GRIP1: variants seen among roughly 807,000 people sequenced by gnomAD.
The protein encoded by GRIP1 is glutamate receptor interacting protein 1, also known as glutamate receptor-interacting protein 1.
A neutral mutation model predicts 129.9 loss-of-function variants in GRIP1; 45 were observed. That is an observed-to-expected ratio of 0.35 (90% CI 0.27 to 0.44). The LOEUF is 0.44. GRIP1 is among the 20% of genes least tolerant of loss of function. GRIP1 has a pLI of 1.00. For missense variants in GRIP1, 1,196 were observed against 1,396.8 expected, an observed-to-expected ratio of 0.86 and a Z score of 2.29; for synonymous variants, 530 against 520.8, an observed-to-expected ratio of 1.02 and a Z score of -0.24.
At chr12:66,820,361 G>A (rs1376753147) in intron 1 of GRIP1, among the ~76,000 whole-genome samples, 1 of 152,178 alleles carries the variant, frequency 6.6e-6, no homozygotes, top group Non-Finnish European at 1.5e-5. Context: ...ACCAAATGCT[G>A]GTGAGGATGT....
chr12:66,963,749 A>G (rs2041956497), intron 1 of GRIP1, among the ~76,000 whole-genome samples: 1 of 152,040 alleles, frequency 6.6e-6, no homozygotes, highest in African/African-American at 2.4e-5. Flanking sequence ...CTTTAGGTTC[A>G]CGTCTAAGTT....
At chr12:66,800,626 G>A (rs368994666) in intron 1 of GRIP1, among the ~76,000 whole-genome samples, 96 of 152,166 alleles carry the variant, frequency 6.3e-4, no homozygotes, top group African/African-American at 2.1e-3. Flanking sequence ...TATGACACAT[G>A]AATTAACATA....
At chr12:66,784,434 C>G (rs1189542752) in intron 1 of GRIP1, among the ~76,000 whole-genome samples, 1 of 152,114 alleles carries the variant, frequency 6.6e-6, no homozygotes, top group Non-Finnish European at 1.5e-5. Context: ...ATTATATTCT[C>G]TTTTAGAGAT....
chr12:66,523,156 T>C (rs1454197712), intron 5 of GRIP1, among the ~76,000 whole-genome samples: 2 of 150,946 alleles, frequency 1.3e-5, no homozygotes, highest in African/African-American at 4.9e-5. Flanking sequence ...AGGCCAACAT[T>C]CAGATTCAGG....
intron 1 of GRIP1, among the ~76,000 whole-genome samples, chr12:66,857,859 G>A (rs1221155209): frequency 6.6e-6 from 1 of 151,980 alleles, no homozygotes; most frequent in East Asian, 1.9e-4. Flanking sequence ...GAGTCTTGAA[G>A]GATAAGTACA....
chr12:66,480,549 TA>T (rs552268438), intron 7 of GRIP1, among the ~76,000 whole-genome samples: 7 of 151,994 alleles, frequency 4.6e-5, no homozygotes, highest in South Asian at 4.2e-4. Flanking sequence ...TTCACAGAAT[TA>T]AAAAAAACTA....
At position 66,997,342 on chromosome 12, in the gene GRIP1, GTTGAGGTGAGAGGATCGC is replaced by G. The variant is rs1158835141; in HGVS notation, c.58+71690_58+71707del. Among the ~76,000 whole-genome samples, 3 of 152,044 alleles carry G rather than the reference GTTGAGGTGAGAGGATCGC, an allele frequency of 2.0e-5. No individual in the cohort carries two copies. In the East Asian group the frequency reaches 5.8e-4, roughly 29 times the overall value. ...GTCTGTAATTCTGGCTACTTGGAAG[GTTGAGGTGAGAGGATCGC>G]TTGAGCCCAGGAGTTCAAGGCCAGC... On this transcript the variant is annotated intron_variant, in intron 1 of 1. Coordinates refer to the GRIP1 transcript ENST00000643019.
At chr12:66,936,170 A>G (rs2041480712) in intron 1 of GRIP1, among the ~76,000 whole-genome samples, 1 of 152,200 alleles carries the variant, frequency 6.6e-6, no homozygotes, top group African/African-American at 2.4e-5. Context: ...TTGTAATCTC[A>G]GAACTTTGGG....
intron 2 of GRIP1, among the ~76,000 whole-genome samples, chr12:66,595,305 A>G (rs12311664): frequency 0.011 from 1,720 of 152,336 alleles, 29 homozygotes; most frequent in African/African-American, 0.039. Flanking sequence ...TGTATTTAAC[A>G]TGTAACTTAA....
intron 2 of GRIP1, among the ~76,000 whole-genome samples, chr12:66,581,501 C>T (rs527999295): frequency 1.4e-5 from 2 of 143,400 alleles, no homozygotes; most frequent in African/African-American, 5.1e-5. Flanking sequence ...AATTGATAGA[C>T]CACTAGCAAG....
At chr12:66,952,971 A>G (rs1337866541) in intron 1 of GRIP1, among the ~76,000 whole-genome samples, 1 of 152,232 alleles carries the variant, frequency 6.6e-6, no homozygotes, top group Non-Finnish European at 1.5e-5. Context: ...TAGCTTGACT[A>G]TGCCACACAT....
At chr12:66,540,345 C>A (rs547942221) in intron 3 of GRIP1, among the ~76,000 whole-genome samples, 1 of 152,278 alleles carries the variant, frequency 6.6e-6, no homozygotes, top group South Asian at 2.1e-4. Flanking sequence ...ATATAACTGG[C>A]ACAGTAATAC....
intron 1 of GRIP1, among the ~76,000 whole-genome samples, chr12:66,783,307 T>A (rs1443072190): frequency 6.6e-6 from 1 of 152,216 alleles, no homozygotes; most frequent in Non-Finnish European, 1.5e-5. Flanking sequence ...GTGTTTGGAT[T>A]ACAGGCGTGA....
At chr12:66,767,572 T>A (rs1375560296) in intron 1 of GRIP1, among the ~76,000 whole-genome samples, 3 of 145,920 alleles carry the variant, frequency 2.1e-5, no homozygotes, top group African/African-American at 2.5e-5. Flanking sequence ...GTCTCTGTAT[T>A]AAAAAAAAAA....
chr12:66,710,449 A>G (rs1042899640), intron 1 of GRIP1, among the ~76,000 whole-genome samples: 4 of 151,980 alleles, frequency 2.6e-5, no homozygotes, highest in African/African-American at 9.7e-5. Flanking sequence ...ACATCTTGAA[A>G]ATGTCTTATT....
chr12:67,005,430 G>A (rs192236362), intron 1 of GRIP1, among the ~76,000 whole-genome samples: 17 of 152,308 alleles, frequency 1.1e-4, no homozygotes, highest in Admixed American at 2.6e-4. Context: ...CATTCACTGT[G>A]TGCTTATGCT....
intron 4 of GRIP1, among the ~76,000 whole-genome samples, chr12:66,533,957 T>C (rs2061536671): frequency 6.6e-6 from 1 of 152,016 alleles, no homozygotes; most frequent in Non-Finnish European, 1.5e-5. Flanking sequence ...ACTGCTGTGA[T>C]CCTGAGATAG....
rs186871533 is a variant in GRIP1 at position 66,630,792 on chromosome 12, A to G, written c.56-33865T>C. On this transcript the variant is annotated intron_variant, in intron 1 of 24. Transcript: ENST00000359742. ...TGTTTTCAAATAGGTGAAAGCCTCT[A>G]TTGAAGAACTGTCTATTCTTAGGAT... is the stretch of plus-strand genomic sequence containing the variant. Among the ~76,000 whole-genome samples the G allele has an allele frequency of 5.3e-5, 8 of 152,312 alleles. No homozygotes were observed. In the East Asian group the frequency reaches 9.6e-4, roughly 18 times the overall value.
At chr12:66,601,389 G>A (rs1002682365) in intron 1 of GRIP1, among the ~76,000 whole-genome samples, 61 of 152,100 alleles carry the variant, frequency 4.0e-4, no homozygotes, top group African/African-American at 1.4e-3. Context: ...ATCCTCCAAC[G>A]TTTGCTTGGT....
Sources: gnomAD v4.1 joint callset for allele counts (sites outside exome capture counted in the v4.1 genomes callset) on GRCh38, gnomAD v4.1.1 for gene constraint, MANE v1.5 for transcripts, NCBI Gene and HGNC (gene_info 2026-07-23, HGNC 2026-07-21) for gene names.